QKI: variants seen among roughly 807,000 people sequenced by gnomAD.
The protein encoded by QKI is QKI, KH domain containing RNA binding.
Under a neutral mutation model 39.0 loss-of-function variants are expected in QKI, and 10 were observed. The observed-to-expected ratio is 0.26, with a 90% CI of 0.16 to 0.43. The LOEUF (loss-of-function observed/expected upper bound fraction) is 0.43, where lower values mean the gene tolerates loss of function less well. Ranked by LOEUF, QKI falls within the 20% of genes least tolerant of loss-of-function variation. QKI has a pLI of 1.00. For missense variants in QKI, 218 were observed against 428.0 expected (o/e 0.51, Z 4.33); for synonymous variants, 204 against 155.4 (o/e 1.31, Z -2.33).
intron 1 of QKI, among the ~76,000 whole-genome samples, chr6:163,433,177 C>T (rs1258785084): frequency 2.6e-5 from 4 of 152,018 alleles, no homozygotes; most frequent in African/African-American, 7.2e-5. Context: ...AACTGAATGG[C>T]ATAGGATATA....
At chr6:163,545,818 A>G (rs1364392076) in intron 4 of QKI, among the ~76,000 whole-genome samples, 2 of 151,870 alleles carry the variant, frequency 1.3e-5, no homozygotes, top group East Asian at 3.8e-4. Flanking sequence ...GCATAGAATA[A>G]TAGGGCCTAG....
chr6:163,498,749 CGT>C (rs1397809755), intron 3 of QKI, among the ~76,000 whole-genome samples: 1 of 152,024 alleles, frequency 6.6e-6, no homozygotes, highest in African/African-American at 2.4e-5. Flanking sequence ...CAGGTTTGTA[CGT>C]GTGTCTGCTG....
chr6:163,541,527 T>G (rs913300368), intron 4 of QKI, among the ~76,000 whole-genome samples: 14 of 151,812 alleles, frequency 9.2e-5, no homozygotes, highest in Non-Finnish European at 1.8e-4. Flanking sequence ...TCTCTAGTTT[T>G]GTCTGTTACT....
chr6:163,563,946 T>G, intron 6 of QKI: 1 of 1,398,142 alleles, frequency 7.2e-7, no homozygotes, highest in Non-Finnish European at 9.2e-7. Context: ...TTCAGTTTGG[T>G]TGGGTAAATC....
intron 1 of QKI, among the ~76,000 whole-genome samples, chr6:163,427,929 A>G (rs1788536006): frequency 6.6e-6 from 1 of 152,166 alleles, no homozygotes; most frequent in East Asian, 1.9e-4. Context: ...TTAAAATTGT[A>G]TTTCTTAGTA....
At chr6:163,462,891 G>A (rs1791453783) in intron 2 of QKI, among the ~76,000 whole-genome samples, 1 of 152,100 alleles carries the variant, frequency 6.6e-6, no homozygotes, top group African/African-American at 2.4e-5. Context: ...TCTTTTACAT[G>A]TGAAGGCTAA....
chr6:163,513,537 A>G (rs926247588), intron 3 of QKI, among the ~76,000 whole-genome samples: 1 of 152,182 alleles, frequency 6.6e-6, no homozygotes, highest in Non-Finnish European at 1.5e-5. Flanking sequence ...ATGTAAGTGA[A>G]ATTAATTAGT....
At chr6:163,538,214 C>G (rs1352792664) in intron 4 of QKI, among the ~76,000 whole-genome samples, 1 of 152,182 alleles carries the variant, frequency 6.6e-6, no homozygotes, top group Non-Finnish European at 1.5e-5. Context: ...AGCTGACCAG[C>G]AAAGTGCCTG....
At chr6:163,460,563 A>G (rs942125710) in intron 2 of QKI, among the ~76,000 whole-genome samples, 1 of 152,122 alleles carries the variant, frequency 6.6e-6, no homozygotes, top group Non-Finnish European at 1.5e-5. Context: ...GTTAGTTAGC[A>G]TAGGGTTGTT....
chr6:163,421,348 A>T (rs1236562099), intron 1 of QKI, among the ~76,000 whole-genome samples: 1 of 152,232 alleles, frequency 6.6e-6, no homozygotes, highest in South Asian at 2.1e-4. Context: ...ACCAAAGGGT[A>T]TCAATTCATA....
intron 1 of QKI, among the ~76,000 whole-genome samples, chr6:163,424,412 A>AG (rs1274971115): frequency 2.0e-5 from 3 of 152,204 alleles, no homozygotes; most frequent in Non-Finnish European, 4.4e-5. Context: ...CCTGTGATGA[A>AG]GTGGTAAGCA....
At chr6:163,460,770 T>C (rs990659989) in intron 2 of QKI, among the ~76,000 whole-genome samples, 4 of 152,220 alleles carry the variant, frequency 2.6e-5, no homozygotes, top group African/African-American at 7.2e-5. Flanking sequence ...TTCACTTTCA[T>C]TCTTCTGAAT....
chr6:163,447,725 A>T (rs1361000823), intron 1 of QKI, among the ~76,000 whole-genome samples: 4 of 152,180 alleles, frequency 2.6e-5, no homozygotes, highest in Non-Finnish European at 5.9e-5. Flanking sequence ...CAGTTGAGTC[A>T]TGTAAAAAAT....
chr6:163,431,725 G>T (rs114089286), intron 1 of QKI, among the ~76,000 whole-genome samples: 1,603 of 149,594 alleles, frequency 0.011, 31 homozygotes, highest in African/African-American at 0.036. Context: ...GGTGACCTTT[G>T]TAGCCTTTAT....
At chr6:163,544,812 G>T (rs1781767752) in intron 4 of QKI, among the ~76,000 whole-genome samples, 1 of 152,110 alleles carries the variant, frequency 6.6e-6, no homozygotes, top group South Asian at 2.1e-4. Flanking sequence ...CCAGGGAAAT[G>T]TGGGTATTTT....
intron 2 of QKI, chr6:163,457,560 G>A (rs1016347700): frequency 4.8e-6 from 2 of 419,830 alleles, no homozygotes; most frequent in African/African-American, 2.0e-5. Context: ...GGGTAAGGGC[G>A]AGGCCTAGCA....
At chr6:163,514,295 G>A (rs1779660813) in intron 3 of QKI, among the ~76,000 whole-genome samples, 1 of 152,002 alleles carries the variant, frequency 6.6e-6, no homozygotes, top group Admixed American at 6.6e-5. Flanking sequence ...GGCCAAATTT[G>A]AAATACTGTA....
chr6:163,551,522 A>G (rs1782233357), intron 4 of QKI, among the ~76,000 whole-genome samples: 1 of 152,246 alleles, frequency 6.6e-6, no homozygotes, highest in Non-Finnish European at 1.5e-5. Context: ...GAAAAAGAAG[A>G]TGGGCAGCAA....
At chr6:163,510,178 T>C (rs1779352715) in intron 3 of QKI, among the ~76,000 whole-genome samples, 1 of 150,676 alleles carries the variant, frequency 6.6e-6, no homozygotes, top group South Asian at 2.1e-4. Context: ...ATCGTGCCAC[T>C]GCACTCCAGC....
Sources: gnomAD v4.1 joint callset for allele counts (sites outside exome capture counted in the v4.1 genomes callset) on GRCh38, gnomAD v4.1.1 for gene constraint, MANE v1.5 for transcripts, NCBI Gene and HGNC (gene_info 2026-07-23, HGNC 2026-07-21) for gene names.